NR3C2: variants seen among roughly 807,000 people sequenced by gnomAD.
The protein encoded by NR3C2 is mineralocorticoid receptor.
In NR3C2, 15 loss-of-function variants were observed where a neutral mutation model predicts 86.4. That is an observed-to-expected ratio of 0.17 (90% CI 0.12 to 0.27). The LOEUF is 0.27. NR3C2 is among the 10% of genes least tolerant of loss of function. NR3C2 has a pLI of 1.00. For synonymous variants in NR3C2, 458 were observed against 450.5 expected (o/e 1.02, Z -0.21); for missense variants, 960 against 1,195.6 (o/e 0.80, Z 2.91).
intron 3 of NR3C2, among the ~76,000 whole-genome samples, chr4:148,222,177 G>A (rs1444082296): frequency 1.3e-5 from 2 of 152,002 alleles, no homozygotes; most frequent in Non-Finnish European, 2.9e-5. Flanking sequence ...ACATTGTATT[G>A]CCTTGAAATT....
intron 2 of NR3C2, among the ~76,000 whole-genome samples, chr4:148,309,769 T>C (rs1368039836): frequency 6.6e-6 from 1 of 152,202 alleles, no homozygotes; most frequent in African/African-American, 2.4e-5. Flanking sequence ...ATTATGGGGA[T>C]TGTCCAAGTT....
At chr4:148,304,436 AT>A (rs1447965396) in intron 2 of NR3C2, among the ~76,000 whole-genome samples, 2 of 137,092 alleles carry the variant, frequency 1.5e-5, no homozygotes, top group African/African-American at 2.7e-5. Flanking sequence ...TCATTTTGAT[AT>A]GTGTTTTCTA....
chr4:148,443,052 TC>T, upstream of NR3C2: 1 of 864,396 alleles, frequency 1.2e-6, no homozygotes. Context: ...GAGGTTCCTC[TC>T]CCAGCCCCTT....
At chr4:148,144,683 C>T (rs530809777) in intron 6 of NR3C2, among the ~76,000 whole-genome samples, 14 of 152,288 alleles carry the variant, frequency 9.2e-5, no homozygotes, top group Non-Finnish European at 1.6e-4. Flanking sequence ...CTTATAAAAC[C>T]TCCTCCAGCC....
chr4:148,211,764 A>G (rs1271383127), intron 3 of NR3C2, among the ~76,000 whole-genome samples: 2 of 152,220 alleles, frequency 1.3e-5, no homozygotes, highest in African/African-American at 4.8e-5. Flanking sequence ...CCATCTGTCA[A>G]AACAAGGTGG....
intron 3 of NR3C2, among the ~76,000 whole-genome samples, chr4:148,204,221 T>A (rs1736885515): frequency 1.3e-5 from 2 of 152,200 alleles, no homozygotes; most frequent in East Asian, 3.8e-4. Context: ...ACACTTATTA[T>A]GGTGCGCAGT....
At chr4:148,295,025 T>C (rs1238968467) in intron 2 of NR3C2, among the ~76,000 whole-genome samples, 3 of 152,036 alleles carry the variant, frequency 2.0e-5, no homozygotes, top group Non-Finnish European at 4.4e-5. Flanking sequence ...CTAGTACCAT[T>C]AATCAGATGA....
In NR3C2 at chr4:148,134,643, C is replaced by CTTTTTTTTTTTTTTTTTTTTTTTT. The variant is rs1175816621; in HGVS notation, c.2511-14379_2511-14356dup. On this transcript the variant is annotated intron_variant, in intron 6 of 8. Transcript: ENST00000358102. ...CCTGTGATTCTCTCTCTCTCTCTCT[C>CTTTTTTTTTTTTTTTTTTTTTTTT]TTTTTTTTTTTTTTTTTTTTTTTTA... Among the ~76,000 whole-genome samples, 17 of 40,806 alleles carry CTTTTTTTTTTTTTTTTTTTTTTTT rather than the reference C, an allele frequency of 4.2e-4. 5 individuals carry two copies. Among genetic ancestry groups the CTTTTTTTTTTTTTTTTTTTTTTTT allele is most frequent in the Non-Finnish European group, 7.6e-4 (16 of 21,186 alleles). The allele number at this position is 40,806 out of a possible 152,430, so 26.8% of individuals were successfully genotyped here.
At chr4:148,352,930 A>G (rs1188446479) in intron 2 of NR3C2, among the ~76,000 whole-genome samples, 1 of 152,194 alleles carries the variant, frequency 6.6e-6, no homozygotes, top group Admixed American at 6.6e-5. Flanking sequence ...ATAACATAAA[A>G]TATAAAGTCA....
At chr4:148,296,714 C>G (rs952173350) in intron 2 of NR3C2, among the ~76,000 whole-genome samples, 12 of 152,036 alleles carry the variant, frequency 7.9e-5, no homozygotes, top group African/African-American at 2.9e-4. Flanking sequence ...ACCAGCAGAA[C>G]AAATGTTTTT....
At chr4:148,383,037 G>GT (rs1747079922) in intron 2 of NR3C2, among the ~76,000 whole-genome samples, 1 of 152,078 alleles carries the variant, frequency 6.6e-6, no homozygotes, top group African/African-American at 2.4e-5. Flanking sequence ...TATCCTTAGT[G>GT]TAAATAAGTC....
intron 3 of NR3C2, among the ~76,000 whole-genome samples, chr4:148,240,948 T>C (rs987292706): frequency 1.3e-5 from 2 of 152,126 alleles, no homozygotes; most frequent in East Asian, 1.9e-4. Context: ...TGAGGTGCCA[T>C]ACTTCTCTGG....
At chr4:148,319,732 C>G (rs955843032) in intron 2 of NR3C2, among the ~76,000 whole-genome samples, 3 of 150,764 alleles carry the variant, frequency 2.0e-5, no homozygotes, top group Non-Finnish European at 2.9e-5. Context: ...GATTTTGTAT[C>G]CTGAGACTTT....
At chr4:148,353,751 T>G (rs1512334) in intron 2 of NR3C2, among the ~76,000 whole-genome samples, 8 of 152,090 alleles carry the variant, frequency 5.3e-5, no homozygotes, top group Non-Finnish European at 8.8e-5. Flanking sequence ...ACTCTCTGTA[T>G]GTGAGTCATA....
chr4:148,251,689 A>G (rs1001038727), intron 3 of NR3C2, among the ~76,000 whole-genome samples: 7 of 152,208 alleles, frequency 4.6e-5, no homozygotes, highest in African/African-American at 9.6e-5. Flanking sequence ...ATTAATATCA[A>G]GATGTTAAAG....
intron 2 of NR3C2, among the ~76,000 whole-genome samples, chr4:148,416,297 A>G (rs1180572897): frequency 6.6e-6 from 1 of 152,212 alleles, no homozygotes; most frequent in Non-Finnish European, 1.5e-5. Flanking sequence ...GTATATAAAG[A>G]CAATGATAAT....
chr4:148,395,252 AAG>A (rs1747802305), intron 2 of NR3C2, among the ~76,000 whole-genome samples: 1 of 152,202 alleles, frequency 6.6e-6, no homozygotes, highest in Non-Finnish European at 1.5e-5. Flanking sequence ...ATTTTTAAGA[AAG>A]AACATACAAC....
intron 2 of NR3C2, among the ~76,000 whole-genome samples, chr4:148,272,997 C>A (rs1293904273): frequency 6.6e-6 from 1 of 152,180 alleles, no homozygotes; most frequent in Non-Finnish European, 1.5e-5. Context: ...TTTGATCAGT[C>A]TTGCTTCAAA....
chr4:148,441,669 C>G (rs1020132719), intron 1 of NR3C2, among the ~76,000 whole-genome samples: 3 of 152,208 alleles, frequency 2.0e-5, no homozygotes, highest in African/African-American at 7.2e-5. Context: ...TAGCCTGTCT[C>G]AAGAGTTTCG....
Sources: allele counts gnomAD v4.1 joint callset (sites outside exome capture counted in the v4.1 genomes callset), GRCh38; gene constraint gnomAD v4.1.1; transcripts MANE v1.5; gene names NCBI Gene and HGNC (gene_info 2026-07-23, HGNC 2026-07-21).